MYO3B: variants seen among roughly 807,000 people sequenced by gnomAD.
MYO3B encodes the protein myosin IIIB.
Under a neutral mutation model 174.6 loss-of-function variants are expected in MYO3B, and 156 were observed. That is an observed-to-expected ratio of 0.89 (90% CI 0.78 to 1.02). The LOEUF (loss-of-function observed/expected upper bound fraction) is 1.02. Ranked by LOEUF, MYO3B falls within the 50% of genes least tolerant of loss-of-function variation. The pLI is 0.00. For synonymous variants in MYO3B, 563 were observed against 569.1 expected (o/e 0.99, Z 0.15); for missense variants, 1,632 against 1,639.4 (o/e 1.00, Z 0.08).
intron 17 of MYO3B, among the ~76,000 whole-genome samples, chr2:170,400,826 A>G (rs1007908483): frequency 2.7e-5 from 4 of 149,034 alleles, no homozygotes; most frequent in African/African-American, 9.9e-5. Flanking sequence ...AATTTTGAGC[A>G]GTGTTTTTTT....
At chr2:170,411,768 C>G (rs573137979) in intron 22 of MYO3B, 40 of 152,354 alleles carry the variant, frequency 2.6e-4, no homozygotes, top group Middle Eastern at 3.4e-3. Flanking sequence ...CCCAAGGTCA[C>G]CAGGAGACAG....
intron 3 of MYO3B, among the ~76,000 whole-genome samples, chr2:170,213,812 A>AT (rs1163740241): frequency 6.6e-6 from 1 of 152,238 alleles, no homozygotes; most frequent in Non-Finnish European, 1.5e-5. Context: ...AAATGCACTT[A>AT]TGATGCAACT....
chr2:170,594,821 G>GCA (rs1491346941), intron 32 of MYO3B, among the ~76,000 whole-genome samples: 15 of 129,676 alleles, frequency 1.2e-4, no homozygotes, highest in Non-Finnish European at 1.9e-4. Flanking sequence ...CTCTTTCCCA[G>GCA]CGCGCGCACA....
intron 28 of MYO3B, among the ~76,000 whole-genome samples, chr2:170,510,539 C>A (rs1432250973): frequency 6.6e-6 from 1 of 152,088 alleles, no homozygotes; most frequent in Admixed American, 6.6e-5. Context: ...AAATTCATGT[C>A]CATTCAGAAC....
rs144104988 is a variant in MYO3B at position 170,191,692 on chromosome 2, G to A, written c.3-7516G>A. Among the ~76,000 whole-genome samples the A allele has an allele frequency of 2.8e-3, 431 of 152,310 alleles. 11 individuals are homozygous for A. Among genetic ancestry groups the A allele is most frequent in the Admixed American group, 0.021 (325 of 15,296 alleles). On this transcript the variant is annotated intron_variant, in intron 1 of 34. Coordinates refer to ENST00000408978, the MANE Select transcript of MYO3B (RefSeq NM_138995.5). The stretch of plus-strand genomic sequence containing the variant: ...CAGATTATCTCCGTGCCACATGACT[G>A]TGGCTGGGAGATTGGGGGAAGGGTG...
At chr2:170,315,744 C>T (rs1242456465) in intron 7 of MYO3B, among the ~76,000 whole-genome samples, 2 of 152,164 alleles carry the variant, frequency 1.3e-5, no homozygotes, top group Admixed American at 6.5e-5. Context: ...CCATTGCTAT[C>T]GCATTTTACA....
chr2:170,567,507 G>A (rs1692142498), intron 32 of MYO3B, among the ~76,000 whole-genome samples: 2 of 152,182 alleles, frequency 1.3e-5, no homozygotes, highest in South Asian at 4.1e-4. Context: ...ATCACATAAT[G>A]AAATGTTTAT....
chr2:170,295,222 C>T (rs2093621921), intron 7 of MYO3B, among the ~76,000 whole-genome samples: 1 of 151,628 alleles, frequency 6.6e-6, no homozygotes, highest in Non-Finnish European at 1.5e-5. Flanking sequence ...AAAAAATTAT[C>T]CTGAGACTTT....
rs73976208 is a variant in MYO3B at position 170,641,873 on chromosome 2, A to C, written c.3734-9755A>C. ...TATTGTTAAGTGGGGGGGGGGGGGG[A>C]GGGGCGGGGAGCCATAACCCAAATT... On this transcript the variant is annotated intron_variant, in intron 32 of 34. Transcript: ENST00000408978. 9.2e-3 allele frequency among the ~76,000 whole-genome samples: 168 copies of C among 18,346 alleles called. 17 individuals are homozygous for C. Among genetic ancestry groups the C allele is most frequent in the African/African-American group, 0.058 (160 of 2,770 alleles). The allele number at this position is 18,346 out of a possible 152,430, so 12.0% of individuals were successfully genotyped here. A position where few individuals can be genotyped will look rare whatever the true frequency, so the allele number is the denominator to read the frequency against.
intron 20 of MYO3B, 119 bp downstream of exon 20, chr2:170,404,519 A>C (rs2094498345): frequency 1.1e-6 from 1 of 921,080 alleles, no homozygotes; most frequent in Non-Finnish European, 1.6e-6. Context: ...GGTTTGTAAG[A>C]ATATAGGCCT....
At chr2:170,319,863 T>C (rs2093802771) in intron 7 of MYO3B, among the ~76,000 whole-genome samples, 2 of 152,184 alleles carry the variant, frequency 1.3e-5, no homozygotes, top group African/African-American at 4.8e-5. Flanking sequence ...CAGAAGGCAG[T>C]GGGATGACAT....
At chr2:170,236,245 G>A in intron 7 of MYO3B, 109 bp downstream of exon 7, 1 of 1,185,762 alleles carries the variant, frequency 8.4e-7, no homozygotes. Context: ...GACAAAGCCT[G>A]ATTGTGAAAT....
intron 3 of MYO3B, among the ~76,000 whole-genome samples, chr2:170,202,460 G>A (rs1332738361): frequency 6.6e-6 from 1 of 152,132 alleles, no homozygotes; most frequent in Non-Finnish European, 1.5e-5. Context: ...TCCTAATACT[G>A]GCAGAAGCCT....
At chr2:170,429,693 G>A (rs923699134) in intron 22 of MYO3B, among the ~76,000 whole-genome samples, 10 of 152,198 alleles carry the variant, frequency 6.6e-5, no homozygotes, top group African/African-American at 2.2e-4. Flanking sequence ...TCTTGCGCAT[G>A]TCTTTCAGAT....
At chr2:170,204,044 C>T (rs545358284) in intron 3 of MYO3B, among the ~76,000 whole-genome samples, 2 of 152,292 alleles carry the variant, frequency 1.3e-5, no homozygotes, top group Non-Finnish European at 2.9e-5. Context: ...TCAGGGCCCA[C>T]TTCCCTCTCA....
intron 32 of MYO3B, among the ~76,000 whole-genome samples, chr2:170,549,611 G>T (rs983098475): frequency 2.6e-5 from 4 of 152,084 alleles, no homozygotes; most frequent in Non-Finnish European, 5.9e-5. Context: ...GCAAACTCAG[G>T]CTGTATTTTA....
At chr2:170,586,452 G>A (rs1288627371) in intron 32 of MYO3B, among the ~76,000 whole-genome samples, 2 of 152,146 alleles carry the variant, frequency 1.3e-5, no homozygotes, top group Non-Finnish European at 2.9e-5. Context: ...ATCTTTTTGT[G>A]TGCACCCGCT....
rs1272683125 is a variant in MYO3B, at chr2:170,222,259, C to CA, written c.603+4865dup. On this transcript the variant is annotated intron_variant, in intron 6 of 34. Transcript: ENST00000408978. The stretch of plus-strand genomic sequence containing the variant: ...GCCAATAGCCACAGGTGAAGGCACT[C>CA]ATGGTGCAACCAAACAGCGAGAAGT... Among the ~76,000 whole-genome samples, 3 of 152,216 alleles carry CA rather than the reference C, an allele frequency of 2.0e-5. No homozygotes were observed. In the South Asian group the frequency reaches 6.2e-4, roughly 31 times the overall value.
rs1338174768 is a variant in MYO3B, at chr2:170,391,610, A to G, written c.1668A>G (p.Lys556=). 5 of 1,570,180 alleles carry G rather than the reference A, an allele frequency of 3.2e-6. No homozygotes were observed. Among genetic ancestry groups the G allele is most frequent in the Non-Finnish European group, 4.3e-6 (5 of 1,155,488 alleles). The part of the protein sequence containing the change: ...KLSDFRLPEE[K]PPRYIADETG... ...CTGATTTCAGACTTCCTGAGGAAAAACCTCCTAGGTAAGTGTCAGGGGGGT... is the reference window on the plus strand; with the variant it reads ...CTGATTTCAGACTTCCTGAGGAAAAGCCTCCTAGGTAAGTGTCAGGGGGGT... Residue 556 remains lysine (K), a synonymous_variant, in exon 15 of 35, where the codon AAA becomes AAG. Transcript: ENST00000408978.
Sources: allele counts gnomAD v4.1 joint callset (sites outside exome capture counted in the v4.1 genomes callset), GRCh38; gene constraint gnomAD v4.1.1; transcripts MANE v1.5; gene names NCBI Gene and HGNC (gene_info 2026-07-23, HGNC 2026-07-21).